The following ZNF471 variants were observed in gnomAD, a reference collection of about 807,000 sequenced individuals.
ZNF471 encodes EZFIT-related protein 1.
ZNF471 carries 7 observed loss-of-function variants against 13.7 expected under a neutral mutation model. That is an observed-to-expected ratio of 0.51 (90% CI 0.29 to 0.96). The LOEUF is 0.96. Among genes scored for constraint, ZNF471 ranks in the 40% least tolerant of loss-of-function variants. The pLI is 0.08. For synonymous variants in ZNF471, 218 were observed against 235.6 expected (o/e 0.93, Z 0.68); for missense variants, 663 against 743.3 (o/e 0.89, Z 1.26).
At position 56,526,125 on chromosome 19, in the gene ZNF471, C is replaced by T. The variant is rs1195552189; in HGVS notation, c.*177C>T. 3.8e-5 allele frequency: 22 copies of T among 582,022 alleles called. No individual in the cohort carries two copies. Among genetic ancestry groups the T allele is most frequent in the African/African-American group, 9.3e-5 (5 of 53,594 alleles). 36.1% of individuals were successfully genotyped at this position (582,022 alleles called of 1,614,324 possible). ...GATCTGCAGTTCCCAGTGAGATCAA[C>T]GCAGAAGGTGGGTGCTTTCTGTATT... On this transcript the variant is annotated 3_prime_UTR_variant, in exon 5 of 5. Coordinates refer to ENST00000308031, the MANE Select transcript of ZNF471 (RefSeq NM_020813.4).
chr19:56,510,556 C>T lies in ZNF471; in HGVS notation c.-55-961C>T. 1 of 985,708 alleles carries T rather than the reference C, an allele frequency of 1.0e-6. No homozygotes were observed. The highest frequency in any genetic ancestry group is 1.2e-6 in the Non-Finnish European group (1 of 830,012). The allele number at this position is 985,708 out of a possible 1,614,324, so 61.1% of individuals were successfully genotyped here. Reference sequence around the variant, plus strand: ...GTGAATCACCACGTGTGCTTATATTCATGTCCTCAGGCAATGGAAATGTGA... The same window carrying T: ...GTGAATCACCACGTGTGCTTATATTTATGTCCTCAGGCAATGGAAATGTGA... On this transcript the variant is annotated intron_variant, in intron 1 of 4. Coordinates refer to ENST00000308031, the MANE Select transcript of ZNF471 (RefSeq NM_020813.4). The surrounding 1 kb of genome is among the most constrained non-coding windows in gnomAD (Gnocchi z 4.3).
At chr19:56,515,917 C>T (rs1423278654) in intron 2 of ZNF471, among the ~76,000 whole-genome samples, 2 of 152,130 alleles carry the variant, frequency 1.3e-5, no homozygotes, top group Non-Finnish European at 2.9e-5. Context: ...AGTTCAATGC[C>T]TTTCTCCAGC....
Position 56,527,346 on chromosome 19 carries a change from G to A in ZNF471, c.*1398G>A, listed in dbSNP as rs1347141860. On this transcript the variant is annotated 3_prime_UTR_variant, in exon 5 of 5. Transcript: ENST00000308031. ...TTACCAGCATCAAAGACCAAAGGTAGATAAATTCACGAAGATGAGGAGAAA... is the reference window on the plus strand; with the variant it reads ...TTACCAGCATCAAAGACCAAAGGTAAATAAATTCACGAAGATGAGGAGAAA... The A allele has an allele frequency of 6.6e-6, 1 of 152,222 alleles. No individual in the cohort carries two copies. The highest frequency in any genetic ancestry group is 1.5e-5 in the Non-Finnish European group (1 of 68,056). 9.4% of individuals were successfully genotyped at this position (152,222 alleles called of 1,614,324 possible).
chr19:56,509,716 TGTGTGTGTG>T, intron 1 of ZNF471: 1 of 97,154 alleles, frequency 1.0e-5, no homozygotes, highest in Non-Finnish European at 2.1e-5. Context: ...GCTTGCCTGG[TGTGTGTGTG>T]TGTGTGTGTG....
At position 56,507,975 on chromosome 19, in the gene ZNF471, G is replaced by T. The variant is rs937712335; in HGVS notation, c.-56+55G>T. On this transcript the variant is annotated intron_variant, in intron 1 of 4. Transcript: ENST00000308031. ...CTCGAGGGCTGGGCCAGGAAGGGCA[G>T]GCGAGGCGGGCGGCTCCGACGCGGG... 6.2e-5 allele frequency: 61 copies of T among 986,024 alleles called. No homozygotes were observed. In the African/African-American group the frequency reaches 1.0e-3, roughly 17 times the overall value. The allele number at this position is 986,024 out of a possible 1,614,324, so 61.1% of individuals were successfully genotyped here. A position where few individuals can be genotyped will look rare whatever the true frequency, so the allele number is the denominator to read the frequency against.
rs1222339740 is a variant in ZNF471, at chr19:56,525,365, G to A, written c.1298G>A (p.Cys433Tyr). The A allele has an allele frequency of 1.9e-6, 3 of 1,614,146 alleles. No homozygotes were observed. The highest frequency in any genetic ancestry group is 2.5e-6 in the Non-Finnish European group (3 of 1,180,002). Residue 433 changes from cysteine to tyrosine, a missense_variant, in exon 5 of 5, where the codon TGT becomes TAT. Coordinates refer to ENST00000308031, the MANE Select transcript of ZNF471 (RefSeq NM_020813.4). ...RIHTGEKPYE[C>Y]DICGKDFSHH... ...CATACAGGAGAGAAACCTTATGAAT[G>A]TGATATATGTGGGAAAGATTTTAGC...
chr19:56,516,870 G>A lies in ZNF471; in HGVS notation c.160+469G>A, dbSNP rs1207880219. 8.5e-5 allele frequency among the ~76,000 whole-genome samples: 13 copies of A among 152,208 alleles called. No individual in the cohort carries two copies. The highest frequency in any genetic ancestry group is 2.7e-4 in the African/African-American group (11 of 41,440). On this transcript the variant is annotated intron_variant, in intron 3 of 4. Transcript: ENST00000308031. The surrounding 1 kb of genome is among the most constrained non-coding windows in gnomAD (Gnocchi z 4.4). ...ATGGACCTTTCTTCTAAGCACTGGG[G>A]CCACCCCATTGGCTAGATTAGCTTT...
Position 56,510,124 on chromosome 19 carries a change from T to C in ZNF471, c.-55-1393T>C, listed in dbSNP as rs1476899071. The C allele has an allele frequency of 1.0e-6, 1 of 985,326 alleles. No homozygotes were observed. Among genetic ancestry groups the C allele is most frequent in the African/African-American group, 1.7e-5 (1 of 57,166 alleles). The allele number at this position is 985,326 out of a possible 1,614,324, so 61.0% of individuals were successfully genotyped here. A position where few individuals can be genotyped will look rare whatever the true frequency, so the allele number is the denominator to read the frequency against. ...GACTGGTAGGTTGTGAGAGGGTGTA[T>C]CACAGTATGAAAAAGATTGGAGTGA... On this transcript the variant is annotated intron_variant, in intron 1 of 4. Coordinates refer to ENST00000308031, the MANE Select transcript of ZNF471 (RefSeq NM_020813.4). The surrounding 1 kb of genome is among the most constrained non-coding windows in gnomAD (Gnocchi z 4.3).
chr19:56,525,238 A>AT lies in ZNF471; in HGVS notation c.1173dup (p.Leu392SerfsTer3), dbSNP rs1177720152. The stretch of plus-strand genomic sequence containing the variant: ...AGCCTTCAGTGTTCACATAGGACTT[A>AT]TTCTGCATAGGAGAATTCATACAGG... On this transcript the variant is annotated frameshift_variant, in exon 5 of 5. Coordinates refer to ENST00000308031, the MANE Select transcript of ZNF471 (RefSeq NM_020813.4). LOFTEE classifies it low-confidence loss of function (END_TRUNC). The AT allele has an allele frequency of 1.2e-6, 2 of 1,613,974 alleles. No individual in the cohort carries two copies. The highest frequency in any genetic ancestry group is 1.7e-6 in the Non-Finnish European group (2 of 1,179,974).
Position 56,525,694 on chromosome 19 carries a change from T to G in ZNF471, c.1627T>G (p.Tyr543Asp). 6.2e-7 allele frequency: 1 copy of G among 1,614,030 alleles called. No individual in the cohort carries two copies. The change falls in exon 5 of 5, where the codon TAT becomes GAT. Residue 543 changes from tyrosine to aspartate, a missense_variant. Transcript: ENST00000308031. ...GAAAACTCATACAGGAGAGAAACCTTATGAGTGTAATGAATGCGGGAAAGC... is the reference window on the plus strand; with the variant it reads ...GAAAACTCATACAGGAGAGAAACCTGATGAGTGTAATGAATGCGGGAAAGC... The part of the protein sequence containing the change: ...HQKTHTGEKP[Y>D]ECNECGKAFS...
At chr19:56,518,712 T>G (rs2043928055) in intron 4 of ZNF471, 135 bp downstream of exon 4, 2 of 624,952 alleles carry the variant, frequency 3.2e-6, no homozygotes, top group South Asian at 5.1e-5. Context: ...AACTGAAACT[T>G]TATGCTTCAC....
chr19:56,519,764 C>G (rs969188207), intron 4 of ZNF471, among the ~76,000 whole-genome samples: 2 of 152,202 alleles, frequency 1.3e-5, no homozygotes, highest in African/African-American at 4.8e-5. Context: ...CCACAGTCCA[C>G]CACTGTCCAA....
rs1350143406 is a variant in ZNF471 at position 56,508,315 on chromosome 19, AGT to A, written c.-56+399_-56+400del. 6.6e-6 allele frequency among the ~76,000 whole-genome samples: 1 copy of A among 151,766 alleles called. No individual in the cohort carries two copies. Among genetic ancestry groups the A allele is most frequent in the Non-Finnish European group, 1.5e-5 (1 of 67,956 alleles). ...CGTGTGTGACAGAGCGAGACGGGCC[AGT>A]GTGAGAGACCAGTGAGTGTGAGAGA... is the stretch of plus-strand genomic sequence containing the variant. On this transcript the variant is annotated intron_variant, in intron 1 of 4. Coordinates refer to ENST00000308031, the MANE Select transcript of ZNF471 (RefSeq NM_020813.4). The surrounding 1 kb of genome is among the most constrained non-coding windows in gnomAD (Gnocchi z 4.7).
chr19:56,529,907 T>C lies in ZNF471; in HGVS notation c.*3959T>C, dbSNP rs941118477. 6.6e-6 allele frequency: 1 copy of C among 152,254 alleles called. No individual in the cohort carries two copies. The highest frequency in any genetic ancestry group is 1.5e-5 in the Non-Finnish European group (1 of 68,036). 9.4% of individuals were successfully genotyped at this position (152,254 alleles called of 1,614,324 possible). A position where few individuals can be genotyped will look rare whatever the true frequency, so the allele number is the denominator to read the frequency against. On this transcript the variant is annotated 3_prime_UTR_variant, in exon 5 of 5. Transcript: ENST00000308031. Reference sequence around the variant, plus strand: ...GTGTTACCTGTCAGCATTTTGAATATAATTACCCTTTGCCACAATTCTACA... The same window carrying C: ...GTGTTACCTGTCAGCATTTTGAATACAATTACCCTTTGCCACAATTCTACA...
chr19:56,521,821 T>C (rs1219551721), intron 4 of ZNF471, among the ~76,000 whole-genome samples: 1 of 151,784 alleles, frequency 6.6e-6, no homozygotes, highest in East Asian at 1.9e-4. Flanking sequence ...TGGCATGCAC[T>C]TGGTACTCCC....
At position 56,507,889 on chromosome 19, in the gene ZNF471, T is replaced by A. The variant is rs1020798824; in HGVS notation, c.-87T>A. The A allele has an allele frequency of 1.0e-6, 1 of 985,510 alleles. No homozygotes were observed. The highest frequency in any genetic ancestry group is 1.2e-6 in the Non-Finnish European group (1 of 830,024). 61.0% of individuals were successfully genotyped at this position (985,510 alleles called of 1,614,324 possible). On this transcript the variant is annotated 5_prime_UTR_variant, in exon 1 of 5. An upstream start codon of the reference 5' UTR is lost. Transcript: ENST00000308031. ...GCGTCGACTCACGGAGTCCTTCGGATGAGAGCGTCTGGGTGCCAGACGAGG... is the reference window on the plus strand; with the variant it reads ...GCGTCGACTCACGGAGTCCTTCGGAAGAGAGCGTCTGGGTGCCAGACGAGG...
At chr19:56,509,860 G>C (rs2043787825) in intron 1 of ZNF471, 1 of 985,364 alleles carries the variant, frequency 1.0e-6, no homozygotes, top group Non-Finnish European at 1.2e-6. Flanking sequence ...TCAGGGACTG[G>C]ATTGTGAGAA....
rs2147925453 is a variant in ZNF471 at position 56,522,863 on chromosome 19, G to C, written c.257-1461G>C. 6.6e-6 allele frequency among the ~76,000 whole-genome samples: 1 copy of C among 151,712 alleles called. No homozygotes were observed. Among genetic ancestry groups the C allele is most frequent in the Admixed American group, 6.6e-5 (1 of 15,248 alleles). On this transcript the variant is annotated intron_variant, in intron 4 of 4. Transcript: ENST00000308031. This position sits in a 1 kb window ranked among gnomAD's most constrained non-coding sequence, Gnocchi z 4.1. ...GCAATTTTCCTGCTTTAGCCTCCCAGGTAGCTGGGATTACAGGCAGGTGAC... is the reference window on the plus strand; with the variant it reads ...GCAATTTTCCTGCTTTAGCCTCCCACGTAGCTGGGATTACAGGCAGGTGAC...
rs992313080 is a variant in ZNF471 at position 56,526,197 on chromosome 19, G to T, written c.*249G>T. Reference sequence around the variant, plus strand: ...ATCTCATTGGGACTGGTTAGACAGTGGGTGCAGCCCACGGAGGGTGAGCTG... The same window carrying T: ...ATCTCATTGGGACTGGTTAGACAGTTGGTGCAGCCCACGGAGGGTGAGCTG... On this transcript the variant is annotated 3_prime_UTR_variant, in exon 5 of 5. Transcript: ENST00000308031. The T allele has an allele frequency of 4.8e-6, 2 of 417,562 alleles. No individual in the cohort carries two copies. The highest frequency in any genetic ancestry group is 8.4e-6 in the Non-Finnish European group (2 of 237,420). 25.9% of individuals were successfully genotyped at this position (417,562 alleles called of 1,614,324 possible). A position where few individuals can be genotyped will look rare whatever the true frequency, so the allele number is the denominator to read the frequency against.
Sources: allele counts gnomAD v4.1 joint callset (sites outside exome capture counted in the v4.1 genomes callset), GRCh38; gene constraint gnomAD v4.1.1; non-coding constraint Gnocchi (gnomAD v3.1); transcripts MANE v1.5; gene names NCBI Gene and HGNC (gene_info 2026-07-23, HGNC 2026-07-21).